The following ITGAL variants were observed in gnomAD, a reference collection of about 807,000 sequenced individuals.
ITGAL encodes the protein integrin subunit alpha L.
A neutral mutation model predicts 138.4 loss-of-function variants in ITGAL; 68 were observed. That is an observed-to-expected ratio of 0.49 (90% CI 0.40 to 0.60). The LOEUF (loss-of-function observed/expected upper bound fraction) is 0.60. Ranked by LOEUF, ITGAL falls within the 20% of genes least tolerant of loss-of-function variation. ITGAL has a pLI of 0.00. For missense variants in ITGAL, 1,256 were observed against 1,478.6 expected (o/e 0.85, Z 2.47); for synonymous variants, 561 against 584.3 (o/e 0.96, Z 0.57).
chr16:30,481,549 G>A lies in ITGAL; in HGVS notation c.687G>A (p.Leu229=). ...TGAAGCATGTAAAGCACATGTTGCT[G>A]TTGACCAATACCTTTGGTGCCATCA... ...ALLKHVKHML[L]LTNTFGAINY... The change falls in exon 7 of 31, where the codon CTG becomes CTA. Residue 229 remains leucine, a synonymous_variant. Coordinates refer to ENST00000356798, the MANE Select transcript of ITGAL (RefSeq NM_002209.3). 1 of 1,613,724 alleles carries A rather than the reference G, an allele frequency of 6.2e-7. No homozygotes were observed. The highest frequency in any genetic ancestry group is 1.3e-5 in the African/African-American group (1 of 75,004).
intron 30 of ITGAL, 73 bp from the exon 31 acceptor site, chr16:30,521,419 A>C: frequency 7.3e-7 from 1 of 1,376,670 alleles, no homozygotes. Context: ...AAAAAAAAAA[A>C]GTGTTCTCAC....
Position 30,518,701 on chromosome 16 carries a change from C to A in ITGAL, c.3210C>A (p.Ser1070Arg). The A allele has an allele frequency of 6.2e-7, 1 of 1,613,162 alleles. No individual in the cohort carries two copies. Among genetic ancestry groups the A allele is most frequent in the Non-Finnish European group, 8.5e-7 (1 of 1,179,134 alleles). The change falls in exon 29 of 31, where the codon AGC (serine) becomes AGA (arginine). Residue 1070 changes from serine to arginine, a missense_variant. Physicochemically the swap from Ser to Arg is moderately radical, Grantham distance 110. Coordinates refer to ENST00000356798, the MANE Select transcript of ITGAL (RefSeq NM_002209.3). ...GCAAGCATTTCCACCTCTATGGCAG[C>A]AACGCCTCCCTGGCCCAGGTATCTC... Reference protein sequence around the residue: ...NSSKHFHLYGSNASLAQVVMK... With the variant: ...NSSKHFHLYGRNASLAQVVMK...
Position 30,523,052 on chromosome 16 carries a change from G to A in ITGAL, c.*1387G>A, listed in dbSNP as rs2051277387. ...GCCCTAGCTCCACACCCTCTCCCAG[G>A]ACCCATCACGCCTGTGCAGTGGCCC... On this transcript the variant is annotated 3_prime_UTR_variant, in exon 31 of 31. Coordinates refer to ENST00000356798, the MANE Select transcript of ITGAL (RefSeq NM_002209.3). 6.6e-6 allele frequency: 1 copy of A among 152,402 alleles called. No homozygotes were observed. The highest frequency in any genetic ancestry group is 2.4e-5 in the African/African-American group (1 of 41,466). 9.4% of individuals were successfully genotyped at this position (152,402 alleles called of 1,614,324 possible).
In ITGAL at chr16:30,472,853, A is replaced by G. The variant is rs777371433; in HGVS notation, c.16A>G (p.Ile6Val). MKDSC[I>V]TVMAMALLSG... Reference sequence around the variant, plus strand: ...TGCTGGAAGGATGAAGGATTCCTGCATCACTGTGATGGCCATGGCGCTGCT... The same window carrying G: ...TGCTGGAAGGATGAAGGATTCCTGCGTCACTGTGATGGCCATGGCGCTGCT... Residue 6 changes from isoleucine (I) to valine (V), a missense_variant, in exon 1 of 31, where the codon ATC (isoleucine) becomes GTC (valine). By Grantham distance (29) the Ile-to-Val change is conservative. Transcript: ENST00000356798. 1 of 1,612,844 alleles carries G rather than the reference A, an allele frequency of 6.2e-7. No individual in the cohort carries two copies. Among genetic ancestry groups the G allele is most frequent in the Non-Finnish European group, 8.5e-7 (1 of 1,179,818 alleles).
rs1239851719 is a variant in ITGAL, at chr16:30,522,590, C to T, written c.*925C>T. 1.3e-5 allele frequency: 2 copies of T among 152,124 alleles called. No homozygotes were observed. The highest frequency in any genetic ancestry group is 2.9e-5 in the Non-Finnish European group (2 of 68,054). The allele number at this position is 152,124 out of a possible 1,614,324, so 9.4% of individuals were successfully genotyped here. A position where few individuals can be genotyped will look rare whatever the true frequency, so the allele number is the denominator to read the frequency against. ...CTTGGGATGATGCCTCATGATATGT[C>T]AGGGCGTGGGACATCTAGTAGGTGC... On this transcript the variant is annotated 3_prime_UTR_variant, in exon 31 of 31. Transcript: ENST00000356798. The surrounding 1 kb of genome is among the most constrained non-coding windows in gnomAD (Gnocchi z 4.0).
intron 4 of ITGAL, 150 bp downstream of exon 4, chr16:30,475,730 C>A: frequency 2.1e-6 from 1 of 471,528 alleles, no homozygotes; most frequent in Non-Finnish European, 3.8e-6. Context: ...AATGATGAAC[C>A]AGCCTTTTTT....
chr16:30,486,454 T>C (rs2050648097), intron 9 of ITGAL, among the ~76,000 whole-genome samples: 1 of 149,436 alleles, frequency 6.7e-6, no homozygotes, highest in Non-Finnish European at 1.5e-5. Context: ...CTGGGCAGCA[T>C]AGCAAGAAGC....
At chr16:30,505,140 C>G (rs2050967321) in intron 18 of ITGAL, 104 bp from the exon 19 acceptor site, 4 of 1,169,384 alleles carry the variant, frequency 3.4e-6, no homozygotes, top group Admixed American at 2.9e-5. Context: ...CAACCACAGC[C>G]AGCCCAGTTG....
At chr16:30,518,856 A>C in intron 29 of ITGAL, 137 bp downstream of exon 29, 1 of 678,322 alleles carries the variant, frequency 1.5e-6, no homozygotes, top group East Asian at 2.7e-5. Flanking sequence ...TCAGCCTGGG[A>C]GAAGCTTCTT....
chr16:30,484,203 A>T lies in ITGAL; in HGVS notation c.946A>T (p.Thr316Ser). The T allele has an allele frequency of 2.5e-6, 4 of 1,614,152 alleles. No individual in the cohort carries two copies. The highest frequency in any genetic ancestry group is 3.4e-6 in the Non-Finnish European group (4 of 1,180,024). The change falls in exon 9 of 31, where the codon ACA becomes TCA. Residue 316 changes from threonine to serine, a missense_variant. Thr to Ser is a moderately conservative substitution (Grantham distance 58, BLOSUM62 1). Around this residue, in one of 3 missense-constraint regions of ITGAL, gnomAD observed 177 missense variants for 288.8 expected, o/e 0.61. Transcript: ENST00000356798. ...PASEFVKILD[T>S]FEKLKDLFTE... ...GAGCGAGTTTGTGAAAATTCTGGAC[A>T]CATTTGAGAAGCTGAAAGATCTATT...
At chr16:30,519,589 A>G (rs1005012231) in intron 29 of ITGAL, among the ~76,000 whole-genome samples, 4 of 152,176 alleles carry the variant, frequency 2.6e-5, no homozygotes, top group African/African-American at 9.7e-5. Context: ...ACAGGTAAGC[A>G]AAAGCTGGAT....
At chr16:30,517,917 T>G in intron 28 of ITGAL, 22 bp downstream of exon 28, 1 of 1,609,244 alleles carries the variant, frequency 6.2e-7, no homozygotes, top group Non-Finnish European at 8.5e-7. Flanking sequence ...TCCTAAGAGA[T>G]GTGGAGCTGC....
At chr16:30,515,407 C>T (rs1157928840) in intron 25 of ITGAL, among the ~76,000 whole-genome samples, 1 of 152,188 alleles carries the variant, frequency 6.6e-6, no homozygotes, top group African/African-American at 2.4e-5. Flanking sequence ...AGCCTCTTTC[C>T]AGCTCATGCC....
Position 30,484,144 on chromosome 16 carries a change from A to C in ITGAL, c.887A>C (p.Gln296Pro), listed in dbSNP as rs769798637. ...AAGCATTTTCAGACCAAGGAGAGTC[A>C]GGAGACCCTCCACAAATTTGCATCA... ...IGKHFQTKES[Q>P]ETLHKFASKP... The change falls in exon 9 of 31, where the codon CAG (glutamine) becomes CCG (proline). Residue 296 changes from glutamine to proline, a missense_variant. By Grantham distance (76) the Gln-to-Pro change is moderately conservative. This residue lies in a region of ITGAL where 177 missense variants were observed against 288.8 expected (regional missense o/e 0.61). Transcript: ENST00000356798. The C allele has an allele frequency of 1.2e-6, 2 of 1,614,122 alleles. No homozygotes were observed. Among genetic ancestry groups the C allele is most frequent in the African/African-American group, 2.7e-5 (2 of 75,040 alleles).
Position 30,499,733 on chromosome 16 carries a change from A to ATACGTATATATATATATATATATATTT in ITGAL, c.2145+245_2145+246insACGTATATATATATATATATATATTTT. On this transcript the variant is annotated intron_variant, in intron 17 of 30. Transcript: ENST00000356798. ...TATATGTATATATATATATATATAT[A>ATACGTATATATATATATATATATATTT]TTTTTTTTTTTTTGACACAGAGTCT... Among the ~76,000 whole-genome samples the ATACGTATATATATATATATATATATTT allele has an allele frequency of 6.8e-5, 6 of 88,364 alleles. No homozygotes were observed. The East Asian group carries it at 1.7e-3, about 25-fold the overall frequency. The allele number at this position is 88,364 out of a possible 152,430, so 58.0% of individuals were successfully genotyped here.
chr16:30,493,497 C>G (rs1447712793), intron 11 of ITGAL, among the ~76,000 whole-genome samples: 7 of 151,746 alleles, frequency 4.6e-5, no homozygotes, highest in Non-Finnish European at 2.9e-5. Context: ...ACGATGGTCT[C>G]GATCTCCTGA....
At chr16:30,492,447 T>A (rs971462208) in intron 11 of ITGAL, among the ~76,000 whole-genome samples, 1 of 151,214 alleles carries the variant, frequency 6.6e-6, no homozygotes, top group African/African-American at 2.4e-5. Context: ...TGATGGGGTT[T>A]CACCATGTTG....
chr16:30,494,817 A>G lies in ITGAL; in HGVS notation c.1470A>G (p.Arg490=). 6.2e-7 allele frequency: 1 copy of G among 1,608,566 alleles called. No individual in the cohort carries two copies. The highest frequency in any genetic ancestry group is 1.1e-5 in the South Asian group (1 of 90,714). ...CCCCACTGTTCTATGGGGAGCAGAG[A>G]GGAGGCCGGGTGTTTATCTACCAGA... ...IGAPLFYGEQ[R]GGRVFIYQRR... The change falls in exon 13 of 31, where the codon AGA becomes AGG. Residue 490 remains arginine (R), a synonymous_variant. Coordinates refer to ENST00000356798, the MANE Select transcript of ITGAL (RefSeq NM_002209.3). This position sits in a 1 kb window ranked among gnomAD's most constrained non-coding sequence, Gnocchi z 4.2.
chr16:30,475,546 C>T lies in ITGAL; in HGVS notation c.293C>T (p.Thr98Ile). 6.2e-7 allele frequency: 1 copy of T among 1,613,900 alleles called. No homozygotes were observed. Among genetic ancestry groups the T allele is most frequent in the Non-Finnish European group, 8.5e-7 (1 of 1,179,912 alleles). ...SNYTSKYLGM[T>I]LATDPTDGSI... ...TATACCTCCAAGTACTTGGGAATGA[C>T]CTTGGCAACAGACCCCACAGATGGA... Residue 98 changes from threonine to isoleucine, a missense_variant, in exon 4 of 31, where the codon ACC becomes ATC. This residue lies in a region of ITGAL where 212 missense variants were observed against 217.4 expected (regional missense o/e 0.98). Coordinates refer to ENST00000356798, the MANE Select transcript of ITGAL (RefSeq NM_002209.3).
Sources: allele counts gnomAD v4.1 joint callset (sites outside exome capture counted in the v4.1 genomes callset), GRCh38; gene constraint gnomAD v4.1.1; regional missense constraint gnomAD v4.1.1; non-coding constraint Gnocchi (gnomAD v3.1); transcripts MANE v1.5; gene names NCBI Gene and HGNC (gene_info 2026-07-23, HGNC 2026-07-21).